TBC1D22A: variants seen among roughly 807,000 people sequenced by gnomAD.
TBC1D22A encodes putative GTPase activator.
In TBC1D22A, 38 loss-of-function variants were observed where a neutral mutation model predicts 60.2. That is an observed-to-expected ratio of 0.63 (90% CI 0.49 to 0.83). The LOEUF (loss-of-function observed/expected upper bound fraction) is 0.83. Among genes scored for constraint, TBC1D22A ranks in the 40% least tolerant of loss-of-function variants. The pLI is 0.00. For synonymous variants in TBC1D22A, 302 were observed against 281.7 expected (o/e 1.07, Z -0.72); for missense variants, 628 against 701.0 (o/e 0.90, Z 1.18).
At chr22:47,016,010 C>G (rs1350121117) in intron 10 of TBC1D22A, among the ~76,000 whole-genome samples, 1 of 152,150 alleles carries the variant, frequency 6.6e-6, no homozygotes, top group Non-Finnish European at 1.5e-5. Flanking sequence ...ACGTGCCCCC[C>G]TGGGATGGCA....
At chr22:47,033,240 C>T (rs371953348) in intron 10 of TBC1D22A, among the ~76,000 whole-genome samples, 1 of 152,290 alleles carries the variant, frequency 6.6e-6, no homozygotes, top group African/African-American at 2.4e-5. Flanking sequence ...CTCAGGGCTT[C>T]GTAGAACTTT....
intron 10 of TBC1D22A, among the ~76,000 whole-genome samples, chr22:47,030,875 C>T (rs543141961): frequency 2.0e-5 from 3 of 152,356 alleles, no homozygotes; most frequent in East Asian, 1.9e-4. Flanking sequence ...CGTGCCCAGA[C>T]GGGAGGAGGC....
At chr22:47,106,411 A>G (rs965622136) in intron 11 of TBC1D22A, among the ~76,000 whole-genome samples, 17 of 152,236 alleles carry the variant, frequency 1.1e-4, no homozygotes, top group Non-Finnish European at 8.8e-5. Context: ...CAGAGAGGAA[A>G]GTTAGATTGC....
At chr22:47,036,978 C>T (rs895187486) in intron 10 of TBC1D22A, 93 bp from the exon 11 acceptor site, 111 of 1,518,056 alleles carry the variant, frequency 7.3e-5, no homozygotes, top group Middle Eastern at 1.9e-4. Flanking sequence ...GGTTCTGAGG[C>T]GGGCGCAGGC....
chr22:46,968,257 G>A (rs529305297), intron 8 of TBC1D22A, among the ~76,000 whole-genome samples: 19 of 152,320 alleles, frequency 1.2e-4, no homozygotes, highest in African/African-American at 3.6e-4. Context: ...CTGTGAACCC[G>A]ATGAAAAGCA....
chr22:47,050,311 G>A (rs1323644704), intron 11 of TBC1D22A, among the ~76,000 whole-genome samples: 1 of 152,178 alleles, frequency 6.6e-6, no homozygotes, highest in East Asian at 1.9e-4. Context: ...GGCCGAGAGG[G>A]GGCATTTCTT....
At chr22:46,880,110 G>T (rs1207531046) in intron 5 of TBC1D22A, among the ~76,000 whole-genome samples, 2 of 152,202 alleles carry the variant, frequency 1.3e-5, no homozygotes, top group Admixed American at 1.3e-4. Context: ...TTTTGCCAAG[G>T]TTGAGGGCGC....
rs964023113 is a variant in TBC1D22A at position 46,946,547 on chromosome 22, G to A, written c.1016-27743G>A. ...GTAAGATCCAAGGGCACAGGTGGCC[G>A]CCTCACTGCCTCATCCACAGAAGCA... On this transcript the variant is annotated intron_variant, in intron 8 of 12. Transcript: ENST00000337137. Among the ~76,000 whole-genome samples the A allele has an allele frequency of 1.1e-4, 16 of 152,282 alleles. No individual in the cohort carries two copies. The East Asian group carries it at 3.1e-3, about 29-fold the overall frequency.
chr22:47,080,930 G>A (rs2064438895), intron 11 of TBC1D22A, among the ~76,000 whole-genome samples: 3 of 152,116 alleles, frequency 2.0e-5, no homozygotes, highest in African/African-American at 7.2e-5. Context: ...AGACCAGCCT[G>A]ACCAACATGG....
At chr22:47,047,960 C>T (rs1442804098) in intron 11 of TBC1D22A, among the ~76,000 whole-genome samples, 1 of 152,234 alleles carries the variant, frequency 6.6e-6, no homozygotes. Context: ...AGGGCAGCCC[C>T]TCAGTCTTTC....
At chr22:46,873,825 G>A (rs1297749040) in intron 4 of TBC1D22A, among the ~76,000 whole-genome samples, 10 of 149,154 alleles carry the variant, frequency 6.7e-5, no homozygotes, top group Admixed American at 4.0e-4. Flanking sequence ...ACAGAGTCTC[G>A]CTCTGTCACC....
chr22:47,058,438 G>A (rs377100001), intron 11 of TBC1D22A, among the ~76,000 whole-genome samples: 2 of 152,062 alleles, frequency 1.3e-5, no homozygotes, highest in South Asian at 2.1e-4. Flanking sequence ...CAGCCCCACC[G>A]TCCTTCCTCT....
intron 12 of TBC1D22A, among the ~76,000 whole-genome samples, chr22:47,158,607 G>A (rs1377330575): frequency 2.0e-5 from 3 of 152,150 alleles, no homozygotes; most frequent in African/African-American, 7.2e-5. Flanking sequence ...AGGAGGGCCG[G>A]GAGCCCAACT....
chr22:47,101,604 G>A (rs906211442), intron 11 of TBC1D22A, among the ~76,000 whole-genome samples: 1 of 152,248 alleles, frequency 6.6e-6, no homozygotes, highest in African/African-American at 2.4e-5. Context: ...TGGTTTCCAA[G>A]GCCAGTGGGT....
chr22:46,977,350 G>A (rs941402680), intron 9 of TBC1D22A, among the ~76,000 whole-genome samples: 1 of 152,064 alleles, frequency 6.6e-6, no homozygotes, highest in African/African-American at 2.4e-5. Flanking sequence ...CGAGATGTAT[G>A]AAGCACCTGC....
chr22:47,141,331 C>CT (rs2067077560), intron 12 of TBC1D22A, among the ~76,000 whole-genome samples: 1 of 152,322 alleles, frequency 6.6e-6, no homozygotes, highest in South Asian at 2.1e-4. Flanking sequence ...AGCCTGCAAC[C>CT]TTGATCAGGT....
chr22:47,061,981 C>T (rs941216857), intron 11 of TBC1D22A, among the ~76,000 whole-genome samples: 23 of 146,728 alleles, frequency 1.6e-4, no homozygotes, highest in African/African-American at 4.0e-4. Flanking sequence ...CCAGCTACTC[C>T]GGAGGCTGAG....
At chr22:47,172,062 C>T (rs1266096701) in intron 12 of TBC1D22A, among the ~76,000 whole-genome samples, 1 of 111,896 alleles carries the variant, frequency 8.9e-6, no homozygotes, top group African/African-American at 3.1e-5. Flanking sequence ...TGAGCCTACC[C>T]AGCACTCCCA....
chr22:46,983,639 T>C (rs915220213), intron 9 of TBC1D22A, among the ~76,000 whole-genome samples: 5 of 151,820 alleles, frequency 3.3e-5, no homozygotes, highest in Non-Finnish European at 5.9e-5. Flanking sequence ...GGGAGGGTCC[T>C]TTGTGGCTCC....
Sources: gnomAD v4.1 joint callset for allele counts (sites outside exome capture counted in the v4.1 genomes callset) on GRCh38, gnomAD v4.1.1 for gene constraint, MANE v1.5 for transcripts, NCBI Gene and HGNC (gene_info 2026-07-23, HGNC 2026-07-21) for gene names.